RBMS1: variants seen among roughly 807,000 people sequenced by gnomAD.
RBMS1 encodes RNA-binding motif, single-stranded-interacting protein 1.
In RBMS1, 17 loss-of-function variants were observed where a neutral mutation model predicts 62.3. The observed-to-expected ratio is 0.27, with a 90% CI of 0.19 to 0.41. The LOEUF is 0.41. Ranked by LOEUF, RBMS1 falls within the 10% of genes least tolerant of loss-of-function variation. The pLI is 1.00. For missense variants in RBMS1, 334 were observed against 504.5 expected, an observed-to-expected ratio of 0.66 and a Z score of 3.24; for synonymous variants, 172 against 170.0, an observed-to-expected ratio of 1.01 and a Z score of -0.09.
chr2:160,462,508 G>T (rs183219552), intron 1 of RBMS1, among the ~76,000 whole-genome samples: 1 of 152,298 alleles, frequency 6.6e-6, no homozygotes, highest in African/African-American at 2.4e-5. Flanking sequence ...TGAGATTCTA[G>T]TACTGGGTAA....
At chr2:160,392,328 T>C (rs952337807) in intron 1 of RBMS1, among the ~76,000 whole-genome samples, 9 of 152,212 alleles carry the variant, frequency 5.9e-5, no homozygotes, top group African/African-American at 2.2e-4. Context: ...TAAAGTTTTA[T>C]TGAAACACAA....
At chr2:160,306,754 T>G (rs1026257492) in intron 4 of RBMS1, among the ~76,000 whole-genome samples, 4 of 152,096 alleles carry the variant, frequency 2.6e-5, no homozygotes, top group African/African-American at 9.7e-5. Flanking sequence ...TTTTACTTTC[T>G]TTTTAGTTGT....
At position 160,286,991 on chromosome 2, in the gene RBMS1, T is replaced by A. The variant is rs770716010; in HGVS notation, c.734A>T (p.His245Leu). The change falls in exon 7 of 14, where the codon CAT becomes CTT. Residue 245 changes from histidine (H) to leucine (L), a missense_variant. Physicochemically the swap from His to Leu is moderately conservative, Grantham distance 99. Around this residue, in one of 3 missense-constraint regions of RBMS1, gnomAD observed 182 missense variants for 257.7 expected, o/e 0.71. Coordinates refer to ENST00000348849, the MANE Select transcript of RBMS1 (RefSeq NM_016836.4). ...NKYIPNGRPWHREGEVRLAGM... is the reference protein window; with the variant it reads ...NKYIPNGRPWLREGEVRLAGM... ...TACAAGTCTCACCTCTCCTTCTCTA[T>A]GCCATGGTCTTCCATTAGGGATGTA... 12 of 1,612,272 alleles carry A rather than the reference T, an allele frequency of 7.4e-6. No homozygotes were observed. In the Admixed American group the frequency reaches 1.7e-4, roughly 22 times the overall value.
At chr2:160,475,943 GC>G (rs1035291713) in intron 1 of RBMS1, among the ~76,000 whole-genome samples, 3 of 148,508 alleles carry the variant, frequency 2.0e-5, no homozygotes, top group African/African-American at 7.5e-5. Flanking sequence ...TGCAACCTTC[GC>G]CCCCCGAGCT....
At chr2:160,350,764 T>A (rs1692447106) in intron 2 of RBMS1, among the ~76,000 whole-genome samples, 1 of 152,142 alleles carries the variant, frequency 6.6e-6, no homozygotes, top group South Asian at 2.1e-4. Flanking sequence ...TGTTGGACAT[T>A]TGGGTTGGTT....
chr2:160,438,013 C>T (rs974440052), intron 1 of RBMS1, among the ~76,000 whole-genome samples: 21 of 152,174 alleles, frequency 1.4e-4, no homozygotes, highest in East Asian at 5.8e-4. Flanking sequence ...TTGACAGGAC[C>T]TGGACAAAAA....
At chr2:160,472,276 T>G (rs1684952272) in intron 1 of RBMS1, among the ~76,000 whole-genome samples, 1 of 152,160 alleles carries the variant, frequency 6.6e-6, no homozygotes, top group African/African-American at 2.4e-5. Flanking sequence ...GAAAGAAAAC[T>G]TCAATAAAAA....
At chr2:160,455,456 A>G (rs1684179695) in intron 1 of RBMS1, among the ~76,000 whole-genome samples, 1 of 152,232 alleles carries the variant, frequency 6.6e-6, no homozygotes, top group Non-Finnish European at 1.5e-5. Context: ...GAAGATAAAT[A>G]TAATTGCAGA....
chr2:160,315,384 CG>C (rs1433332917), intron 3 of RBMS1, among the ~76,000 whole-genome samples: 3 of 152,090 alleles, frequency 2.0e-5, no homozygotes, highest in Non-Finnish European at 2.9e-5. Context: ...GGTGTAAAGA[CG>C]TTTTTGAAGG....
At chr2:160,313,014 G>A (rs929659228) in intron 4 of RBMS1, 142 bp downstream of exon 4, 7 of 625,230 alleles carry the variant, frequency 1.1e-5, no homozygotes, top group Admixed American at 3.1e-5. Flanking sequence ...TGGAGGCTGC[G>A]GAGGCACAGG....
chr2:160,457,339 A>G (rs1684281563), intron 1 of RBMS1, among the ~76,000 whole-genome samples: 1 of 152,142 alleles, frequency 6.6e-6, no homozygotes, highest in Non-Finnish European at 1.5e-5. Context: ...CATGTTGGTC[A>G]GGCTGGTCTC....
chr2:160,483,933 C>G (rs765800767), intron 1 of RBMS1, among the ~76,000 whole-genome samples: 28 of 151,816 alleles, frequency 1.8e-4, no homozygotes, highest in Non-Finnish European at 3.2e-4. Flanking sequence ...GAAGGGATCT[C>G]TGGTCTGTCT....
Position 160,392,158 on chromosome 2 carries a change from T to C in RBMS1, c.76-24767A>G, listed in dbSNP as rs116239627. Among the ~76,000 whole-genome samples the C allele has an allele frequency of 7.7e-3, 1,171 of 152,326 alleles. 6 individuals are homozygous for C. The highest frequency in any genetic ancestry group is 0.013 in the Non-Finnish European group (912 of 68,024). Reference sequence around the variant, plus strand: ...GGTTTTATTTTGTACCTACCTATACTGATGGTGCTAATAAGTACTATCTGG... The same window carrying C: ...GGTTTTATTTTGTACCTACCTATACCGATGGTGCTAATAAGTACTATCTGG... On this transcript the variant is annotated intron_variant, in intron 1 of 13. Coordinates refer to ENST00000348849, the MANE Select transcript of RBMS1 (RefSeq NM_016836.4).
At chr2:160,353,408 A>T (rs184637889) in intron 2 of RBMS1, among the ~76,000 whole-genome samples, 1 of 152,222 alleles carries the variant, frequency 6.6e-6, no homozygotes, top group African/African-American at 2.4e-5. Flanking sequence ...CAATGCCAAT[A>T]TAACATAATA....
rs889495699 is a variant in RBMS1 at position 160,290,530 on chromosome 2, A to C, written c.641-3446T>G. On this transcript the variant is annotated intron_variant, in intron 6 of 13. Transcript: ENST00000348849. ...ATAAAAATGATATAACCTACCCTTA[A>C]ATCAACTGATTTTGCCAAATATGCA... Among the ~76,000 whole-genome samples the C allele has an allele frequency of 2.6e-5, 4 of 152,114 alleles. No individual in the cohort carries two copies. In the East Asian group the frequency reaches 5.8e-4, roughly 22 times the overall value.
At chr2:160,280,795 AATAAGT>A (rs1380857901) in intron 10 of RBMS1, among the ~76,000 whole-genome samples, 1 of 123,794 alleles carries the variant, frequency 8.1e-6, no homozygotes, top group Non-Finnish European at 1.9e-5. Context: ...TACACTATAT[AATAAGT>A]ATAACTCATT....
intron 1 of RBMS1, among the ~76,000 whole-genome samples, chr2:160,398,682 A>G (rs1695273239): frequency 6.6e-6 from 1 of 152,172 alleles, no homozygotes; most frequent in South Asian, 2.1e-4. Flanking sequence ...AACAGTAATA[A>G]TAATAATGAT....
chr2:160,444,494 T>C (rs62179062), intron 1 of RBMS1, among the ~76,000 whole-genome samples: 3,811 of 152,310 alleles, frequency 0.025, 70 homozygotes, highest in Middle Eastern at 0.061. Flanking sequence ...TTATTCAACA[T>C]GATAAAGCTG....
chr2:160,438,870 C>T (rs1480117267), intron 1 of RBMS1, among the ~76,000 whole-genome samples: 3 of 151,380 alleles, frequency 2.0e-5, no homozygotes, highest in Admixed American at 6.6e-5. Context: ...CCGGACAGGG[C>T]GGCTGGCCGG....
Sources: gnomAD v4.1 joint callset for allele counts (sites outside exome capture counted in the v4.1 genomes callset) on GRCh38, gnomAD v4.1.1 for gene constraint, gnomAD v4.1.1 regional missense constraint, MANE v1.5 for transcripts, NCBI Gene and HGNC (gene_info 2026-07-23, HGNC 2026-07-21) for gene names.